SWT1: variants seen among roughly 807,000 people sequenced by gnomAD.
The protein encoded by SWT1 is transcriptional protein SWT1.
A neutral mutation model predicts 107.3 loss-of-function variants in SWT1; 33 were observed. The observed-to-expected ratio is 0.31, with a 90% CI of 0.23 to 0.41. The LOEUF is 0.41. Among genes scored for constraint, SWT1 ranks in the 10% least tolerant of loss-of-function variants. The pLI is 1.00. For synonymous variants in SWT1, 345 were observed against 348.3 expected (o/e 0.99, Z 0.11); for missense variants, 898 against 1,028.9 (o/e 0.87, Z 1.74).
chr1:185,234,434 C>T (rs564545202), intron 16 of SWT1, among the ~76,000 whole-genome samples: 1 of 152,054 alleles, frequency 6.6e-6, no homozygotes, highest in South Asian at 2.1e-4. Context: ...GGATTGCAAC[C>T]CCTGCTTTTT....
rs767900791 is a variant in SWT1, at chr1:185,202,649, C to T, written c.1524-5C>T. On this transcript the variant is annotated splice_polypyrimidine_tract_variant and splice_region_variant and intron_variant, in intron 10 of 18. Coordinates refer to ENST00000367500, the MANE Select transcript of SWT1 (RefSeq NM_017673.7). ...TTCCTCCTAATCCCAACCTCCCAAC[C>T]TTAGGGATGATAGAAACTTAAGAAA... 64 of 1,604,408 alleles carry T rather than the reference C, an allele frequency of 4.0e-5. No individual in the cohort carries two copies. Among genetic ancestry groups the T allele is most frequent in the Middle Eastern group, 1.7e-4 (1 of 6,054 alleles).
At chr1:185,196,540 A>G (rs1657405678) in intron 10 of SWT1, among the ~76,000 whole-genome samples, 1 of 152,228 alleles carries the variant, frequency 6.6e-6, no homozygotes. Context: ...TGGTAGCTTG[A>G]TCAGGATAGC....
chr1:185,240,226 GT>G (rs1424293055), intron 16 of SWT1, among the ~76,000 whole-genome samples: 1 of 151,872 alleles, frequency 6.6e-6, no homozygotes, highest in African/African-American at 2.4e-5. Flanking sequence ...TAGAAATTAT[GT>G]TTTAAAAAAC....
intron 2 of SWT1, among the ~76,000 whole-genome samples, chr1:185,164,746 T>A (rs186356327): frequency 1.3e-5 from 2 of 152,326 alleles, no homozygotes; most frequent in East Asian, 3.9e-4. Context: ...TGGCTTTGGC[T>A]AAAGGGAATG....
intron 15 of SWT1, among the ~76,000 whole-genome samples, chr1:185,226,564 T>A (rs1036518698): frequency 2.0e-5 from 3 of 152,120 alleles, no homozygotes; most frequent in Non-Finnish European, 4.4e-5. Context: ...AACAAGACCC[T>A]CTCTTTAAAA....
intron 16 of SWT1, among the ~76,000 whole-genome samples, chr1:185,235,673 A>T (rs957985987): frequency 6.6e-6 from 1 of 152,200 alleles, no homozygotes; most frequent in African/African-American, 2.4e-5. Flanking sequence ...CACCACTCCA[A>T]TTCAGCATAG....
rs1661409798 is a variant in SWT1, at chr1:185,243,770, C to G, written c.2441+12062C>G. 2.0e-5 allele frequency among the ~76,000 whole-genome samples: 3 copies of G among 152,154 alleles called. No homozygotes were observed. In the South Asian group the frequency reaches 6.2e-4, roughly 32 times the overall value. ...TGATTTTTTTGCTAATATTAAGCTA[C>G]TTTATTACTATTTAAATATATGTAG... is the stretch of plus-strand genomic sequence containing the variant. On this transcript the variant is annotated intron_variant, in intron 16 of 18. Coordinates refer to ENST00000367500, the MANE Select transcript of SWT1 (RefSeq NM_017673.7).
intron 17 of SWT1, among the ~76,000 whole-genome samples, chr1:185,271,820 A>G (rs1021239169): frequency 9.9e-5 from 15 of 152,186 alleles, no homozygotes; most frequent in Admixed American, 3.3e-4. Context: ...CCTGTGATCT[A>G]CAACTGTCCA....
Position 185,173,232 on chromosome 1 carries a change from T to G in SWT1, c.225-1140T>G, listed in dbSNP as rs188524683. ...TTTTATCTACTAAGGCTAGTAAGCT[T>G]ATTAACATTATTTTGCTAGAAGTTA... is the stretch of plus-strand genomic sequence containing the variant. On this transcript the variant is annotated intron_variant, in intron 4 of 18. Transcript: ENST00000367500. Among the ~76,000 whole-genome samples the G allele has an allele frequency of 2.9e-4, 44 of 152,230 alleles. 2 individuals are homozygous for G. Among genetic ancestry groups the G allele is most frequent in the Middle Eastern group, 6.8e-3 (2 of 294 alleles).
At chr1:185,188,814 T>A (rs1656709045) in intron 9 of SWT1, among the ~76,000 whole-genome samples, 1 of 152,188 alleles carries the variant, frequency 6.6e-6, no homozygotes, top group Admixed American at 6.5e-5. Flanking sequence ...TAAATTATGA[T>A]CTGGGTCCAG....
chr1:185,278,297 C>G (rs953444253), intron 18 of SWT1, among the ~76,000 whole-genome samples: 1 of 152,168 alleles, frequency 6.6e-6, no homozygotes, highest in Non-Finnish European at 1.5e-5. Flanking sequence ...GACTGCAGAG[C>G]ATTGGCTAAT....
intron 18 of SWT1, among the ~76,000 whole-genome samples, chr1:185,277,352 G>A (rs75441804): frequency 0.01 from 1,593 of 151,972 alleles, 40 homozygotes; most frequent in East Asian, 0.094. Context: ...GCAGTGGAGC[G>A]ATCTTGGCTC....
intron 14 of SWT1, among the ~76,000 whole-genome samples, chr1:185,217,910 A>G (rs758295419): frequency 6.6e-6 from 1 of 152,258 alleles, no homozygotes; most frequent in South Asian, 2.1e-4. Flanking sequence ...ATTTCATTAT[A>G]TATTACAATG....
chr1:185,286,418 G>T (rs535050408), intron 18 of SWT1, among the ~76,000 whole-genome samples: 8 of 152,144 alleles, frequency 5.3e-5, no homozygotes, highest in Admixed American at 3.9e-4. Flanking sequence ...TAGAGACGGG[G>T]TTTCACCATG....
intron 10 of SWT1, among the ~76,000 whole-genome samples, chr1:185,200,771 G>A (rs781659515): frequency 2.6e-5 from 4 of 152,324 alleles, no homozygotes; most frequent in Non-Finnish European, 4.4e-5. Flanking sequence ...AGCAGAGCTC[G>A]AGCGCTGTGC....
At chr1:185,182,688 A>G (rs1656123537) in intron 7 of SWT1, among the ~76,000 whole-genome samples, 2 of 150,828 alleles carry the variant, frequency 1.3e-5, no homozygotes, top group Non-Finnish European at 3.0e-5. Context: ...AAAAAAAAAA[A>G]AAAAGAAAGA....
At chr1:185,218,080 G>A (rs1382366619) in intron 14 of SWT1, among the ~76,000 whole-genome samples, 1 of 152,112 alleles carries the variant, frequency 6.6e-6, no homozygotes, top group Non-Finnish European at 1.5e-5. Flanking sequence ...ACTTTTAACA[G>A]GAGTTGTTTT....
intron 16 of SWT1, among the ~76,000 whole-genome samples, chr1:185,234,007 G>A (rs1660687445): frequency 6.6e-6 from 1 of 152,160 alleles, no homozygotes; most frequent in Non-Finnish European, 1.5e-5. Context: ...GCCTCCCAAA[G>A]TGCTGGGATT....
At chr1:185,266,024 C>G (rs1429902675) in intron 16 of SWT1, among the ~76,000 whole-genome samples, 2 of 151,982 alleles carry the variant, frequency 1.3e-5, no homozygotes, top group East Asian at 3.8e-4. Context: ...TTATAAATAT[C>G]CAAGAACATA....
Sources: gnomAD v4.1 joint callset for allele counts (sites outside exome capture counted in the v4.1 genomes callset) on GRCh38, gnomAD v4.1.1 for gene constraint, MANE v1.5 for transcripts, NCBI Gene and HGNC (gene_info 2026-07-23, HGNC 2026-07-21) for gene names.